Variants in SNX4 observed in about 807,000 individuals in gnomAD.
SNX4 encodes sorting nexin-4.
Under a neutral mutation model 70.8 loss-of-function variants are expected in SNX4, and 49 were observed. That is an observed-to-expected ratio of 0.69 (90% CI 0.55 to 0.88). SNX4 has a LOEUF of 0.88. Among genes scored for constraint, SNX4 ranks in the 40% least tolerant of loss-of-function variants. The probability of loss-of-function intolerance (pLI) is 0.00; values close to 1 mark genes in which losing one functional copy is unlikely to be tolerated. For synonymous variants in SNX4, 206 were observed against 183.8 expected (o/e 1.12, Z -0.98); for missense variants, 528 against 544.8 (o/e 0.97, Z 0.31).
rs958396619 is a variant in SNX4 at position 125,457,356 on chromosome 3, G to A, written c.954C>T (p.Cys318=). The A allele has an allele frequency of 6.2e-7, 1 of 1,612,550 alleles. No homozygotes were observed. The highest frequency in any genetic ancestry group is 1.3e-5 in the African/African-American group (1 of 74,882). The change falls in exon 11 of 14, where the codon TGC becomes TGT. Residue 318 remains cysteine (C), a synonymous_variant. Coordinates refer to ENST00000251775, the MANE Select transcript of SNX4 (RefSeq NM_003794.4). ...LFYAEALRAV[C]RKHELMQYDL... Reference sequence around the variant, plus strand: ...CATACTGCATAAGTTCATGTTTCCTGCACACAGCCCTACAGATGAAAAAAT... The same window carrying A: ...CATACTGCATAAGTTCATGTTTCCTACACACAGCCCTACAGATGAAAAAAT...
At chr3:125,479,387 T>A (rs904646193) in intron 7 of SNX4, among the ~76,000 whole-genome samples, 2 of 151,842 alleles carry the variant, frequency 1.3e-5, no homozygotes, top group African/African-American at 4.8e-5. Context: ...TGAAACCCCA[T>A]CTCTACTAAA....
chr3:125,454,558 T>A (rs1345231366), intron 11 of SNX4, among the ~76,000 whole-genome samples: 3 of 152,174 alleles, frequency 2.0e-5, no homozygotes, highest in Non-Finnish European at 4.4e-5. Context: ...TACAAAAGGA[T>A]ATGCACAGGT....
chr3:125,514,389 C>CTT (rs57357708), intron 1 of SNX4, among the ~76,000 whole-genome samples: 34 of 127,134 alleles, frequency 2.7e-4, no homozygotes, highest in East Asian at 4.5e-4. Context: ...GTGACCAACA[C>CTT]TTTTTTTTTT....
At chr3:125,480,459 A>G (rs753985148) in intron 6 of SNX4, 140 bp from the exon 7 acceptor site, 3 of 375,336 alleles carry the variant, frequency 8.0e-6, no homozygotes, top group Non-Finnish European at 1.5e-5. Context: ...TTACACACCA[A>G]TATAAATCCA....
At chr3:125,491,725 ATT>A (rs1351914943) in intron 5 of SNX4, among the ~76,000 whole-genome samples, 1 of 152,162 alleles carries the variant, frequency 6.6e-6, no homozygotes, top group Non-Finnish European at 1.5e-5. Flanking sequence ...TTAATTCATT[ATT>A]GTTTCCTATG....
chr3:125,518,847 TAAA>T (rs749467352), intron 1 of SNX4, among the ~76,000 whole-genome samples: 2 of 134,748 alleles, frequency 1.5e-5, no homozygotes, highest in Admixed American at 1.5e-4. Flanking sequence ...TACTAAAAAC[TAAA>T]AAAAAAAAAA....
intron 8 of SNX4, among the ~76,000 whole-genome samples, chr3:125,470,911 T>TCC (rs1934153022): frequency 6.6e-6 from 1 of 152,102 alleles, no homozygotes; most frequent in South Asian, 2.1e-4. Context: ...GAACAGACAC[T>TCC]CAGGCCCAGA....
rs1934300908 is a variant in SNX4, at chr3:125,476,864, A to AAC, written c.727-109_727-108insGT. On this transcript the variant is annotated intron_variant, in intron 7 of 13. Transcript: ENST00000251775. ...TGCTTACTACAATAAACTTGGAAATAGAAAAAAGAAAAATAGTAATCTCCA... is the reference window on the plus strand; with the variant it reads ...TGCTTACTACAATAAACTTGGAAATAACGAAAAAAGAAAAATAGTAATCTCCA... 4 of 602,698 alleles carry AAC rather than the reference A, an allele frequency of 6.6e-6. No individual in the cohort carries two copies. The African/African-American group carries it at 7.8e-5, about 12-fold the overall frequency. 37.3% of individuals were successfully genotyped at this position (602,698 alleles called of 1,614,324 possible). A position where few individuals can be genotyped will look rare whatever the true frequency, so the allele number is the denominator to read the frequency against.
At chr3:125,493,287 G>C (rs1432956442) in intron 5 of SNX4, among the ~76,000 whole-genome samples, 2 of 152,050 alleles carry the variant, frequency 1.3e-5, no homozygotes, top group Non-Finnish European at 2.9e-5. Context: ...CTAAAAAGGA[G>C]AAATGTCAAT....
At chr3:125,470,231 T>C (rs1934130511) in intron 8 of SNX4, among the ~76,000 whole-genome samples, 1 of 152,174 alleles carries the variant, frequency 6.6e-6, no homozygotes, top group African/African-American at 2.4e-5. Context: ...GCTGAGATCA[T>C]ATGGTATATG....
chr3:125,474,876 G>A (rs772212820), intron 8 of SNX4, among the ~76,000 whole-genome samples: 6 of 151,970 alleles, frequency 3.9e-5, no homozygotes, highest in Non-Finnish European at 8.8e-5. Flanking sequence ...TATAATTTTT[G>A]TTTTTAAATA....
rs540888042 is a variant in SNX4 at position 125,497,792 on chromosome 3, A to G, written c.549+42T>C. 205 of 1,397,742 alleles carry G rather than the reference A, an allele frequency of 1.5e-4. 1 individual carries two copies. Among genetic ancestry groups the G allele is most frequent in the South Asian group, 1.4e-3 (101 of 69,726 alleles). The allele number at this position is 1,397,742 out of a possible 1,614,324, so 86.6% of individuals were successfully genotyped here. A position where few individuals can be genotyped will look rare whatever the true frequency, so the allele number is the denominator to read the frequency against. ...TCTACAATTTTTTTAAGAAACCCAA[A>G]TTAAATGAATATTTTACTAAGACTA... On this transcript the variant is annotated intron_variant, in intron 4 of 13. Transcript: ENST00000251775.
intron 6 of SNX4, among the ~76,000 whole-genome samples, chr3:125,484,401 T>C (rs1317180679): frequency 4.6e-5 from 7 of 152,132 alleles, no homozygotes; most frequent in Admixed American, 6.5e-5. Flanking sequence ...ATTACAGGTA[T>C]GTGCCACCAC....
intron 2 of SNX4, among the ~76,000 whole-genome samples, chr3:125,502,345 CTTTCT>C (rs908062384): frequency 5.7e-5 from 6 of 106,100 alleles, no homozygotes; most frequent in Non-Finnish European, 7.2e-5. Context: ...TAAAAATTTT[CTTTCT>C]TTTTTTTTTT....
chr3:125,456,397 AC>A (rs910946640), intron 11 of SNX4, among the ~76,000 whole-genome samples: 95 of 152,148 alleles, frequency 6.2e-4, no homozygotes, highest in African/African-American at 2.2e-3. Flanking sequence ...ATGGTGGCTT[AC>A]CCCTGTAATC....
At chr3:125,506,860 T>C (rs1416016325) in intron 1 of SNX4, among the ~76,000 whole-genome samples, 1 of 49,194 alleles carries the variant, frequency 2.0e-5, no homozygotes, top group South Asian at 7.0e-4. Context: ...AAAAAAGATG[T>C]ATGAACAAAA....
intron 1 of SNX4, among the ~76,000 whole-genome samples, chr3:125,509,829 T>G (rs1418920966): frequency 6.6e-6 from 1 of 152,050 alleles, no homozygotes; most frequent in Non-Finnish European, 1.5e-5. Context: ...AGACATTTAT[T>G]TTTCTGAAGA....
At chr3:125,450,638 T>C (rs914048455) in intron 13 of SNX4, among the ~76,000 whole-genome samples, 15 of 152,228 alleles carry the variant, frequency 9.9e-5, no homozygotes, top group African/African-American at 3.6e-4. Flanking sequence ...GTTTCCTATT[T>C]TGTTCTTAAA....
rs1491149468 is a variant in SNX4 at position 125,507,192 on chromosome 3, A to AG, written c.142-2449_142-2448insC. Among the ~76,000 whole-genome samples, 4 of 40,394 alleles carry AG rather than the reference A, an allele frequency of 9.9e-5. No individual in the cohort carries two copies. The East Asian group carries it at 2.5e-3, about 25-fold the overall frequency. 26.5% of individuals were successfully genotyped at this position (40,394 alleles called of 152,430 possible). ...CACTGCACTCCAGCCTGGGTGATAGAAAAAAAAAAAAAAAAAAAAGAAACC... is the reference window on the plus strand; with the variant it reads ...CACTGCACTCCAGCCTGGGTGATAGAGAAAAAAAAAAAAAAAAAAAGAAACC... On this transcript the variant is annotated intron_variant, in intron 1 of 13. Transcript: ENST00000251775.
Sources: allele counts gnomAD v4.1 joint callset (sites outside exome capture counted in the v4.1 genomes callset), GRCh38; gene constraint gnomAD v4.1.1; transcripts MANE v1.5; gene names NCBI Gene and HGNC (gene_info 2026-07-23, HGNC 2026-07-21).